Variants in PLCG2 observed in about 807,000 individuals in gnomAD.
The protein encoded by PLCG2 is 1-phosphatidylinositol 4,5-bisphosphate phosphodiesterase gamma-2.
PLCG2 carries 69 observed loss-of-function variants against 175.6 expected under a neutral mutation model. The observed-to-expected ratio is 0.39, with a 90% CI of 0.32 to 0.48. The LOEUF is 0.48. PLCG2 is among the 20% of genes least tolerant of loss of function. The pLI is 0.91. For missense variants in PLCG2, 1,798 were observed against 1,650.9 expected (o/e 1.09, Z -1.54); for synonymous variants, 827 against 624.0 (o/e 1.33, Z -4.85).
intron 2 of PLCG2, among the ~76,000 whole-genome samples, chr16:81,833,762 G>C (rs1905371755): frequency 6.6e-6 from 1 of 152,030 alleles, no homozygotes; most frequent in Non-Finnish European, 1.5e-5. Flanking sequence ...GCCTAGGCTG[G>C]TCTCGGAATT....
rs549192635 is a variant in PLCG2 at position 81,833,373 on chromosome 16, C to A, written c.194-21071C>A. 6.2e-4 allele frequency among the ~76,000 whole-genome samples: 94 copies of A among 152,042 alleles called. No homozygotes were observed. In the Middle Eastern group the frequency reaches 0.014, roughly 22 times the overall value. On this transcript the variant is annotated intron_variant, in intron 2 of 32. Transcript: ENST00000564138. ...CTTTTTCCTGGACTGTGGCTCCGGT[C>A]GGTACACGGGTCCTGAGCCAGTATT... is the stretch of plus-strand genomic sequence containing the variant.
chr16:81,843,035 G>A (rs1905919266), intron 2 of PLCG2, among the ~76,000 whole-genome samples: 1 of 150,854 alleles, frequency 6.6e-6, no homozygotes, highest in Non-Finnish European at 1.5e-5. Context: ...GTGATGCTGG[G>A]AAGGGGGTGG....
chr16:81,860,177 T>A (rs572031585), intron 5 of PLCG2, among the ~76,000 whole-genome samples: 2,676 of 140,216 alleles, frequency 0.019, 40 homozygotes, highest in South Asian at 0.054. Flanking sequence ...TTATTATTTT[T>A]TTTTTTTTTT....
Position 81,946,369 on chromosome 16 carries a change from T to A in PLCG2, c.3570+106T>A, listed in dbSNP as rs144039406. On this transcript the variant is annotated intron_variant, in intron 31 of 32. Transcript: ENST00000564138. Reference sequence around the variant, plus strand: ...CAGATGGACTTAAGCCCATTCAGAATTGTCTAGCCCAAGCATGAGACATCA... The same window carrying A: ...CAGATGGACTTAAGCCCATTCAGAAATGTCTAGCCCAAGCATGAGACATCA... The A allele has an allele frequency of 1.2e-4, 97 of 800,266 alleles. No homozygotes were observed. In the African/African-American group the frequency reaches 1.4e-3, roughly 11 times the overall value. The allele number at this position is 800,266 out of a possible 1,614,324, so 49.6% of individuals were successfully genotyped here.
chr16:81,893,602 T>C (rs1370368393), intron 11 of PLCG2, 107 bp from the exon 12 acceptor site: 5 of 710,428 alleles, frequency 7.0e-6, no homozygotes, highest in Non-Finnish European at 1.0e-5. Flanking sequence ...CTCAGAGCTT[T>C]GGCGGCTCGG....
intron 2 of PLCG2, among the ~76,000 whole-genome samples, chr16:81,848,315 C>G (rs1481175643): frequency 6.6e-6 from 1 of 152,178 alleles, no homozygotes; most frequent in Non-Finnish European, 1.5e-5. Flanking sequence ...TGATAAAGTC[C>G]TGGTTGATGA....
At chr16:81,739,622 T>C (rs12444778) in intron 1 of PLCG2, 125,535 of 152,282 alleles carry the variant, frequency 0.82, 53,389 homozygotes, top group East Asian at 0.95. Flanking sequence ...ATTGTTGCTT[T>C]TGTGGGATGA....
At position 81,959,268 on chromosome 16, in the gene PLCG2, C is replaced by G. The variant is rs570181059; in HGVS notation, c.*1270C>G. On this transcript the variant is annotated 3_prime_UTR_variant, in exon 33 of 33. Coordinates refer to ENST00000564138, the MANE Select transcript of PLCG2 (RefSeq NM_002661.5). ...ATGTTTGATGTGGATGGAACTGGCC[C>G]CTAGAAACCCATCTGACCCTCCTCT... is the stretch of plus-strand genomic sequence containing the variant. 9.5e-4 allele frequency: 213 copies of G among 223,514 alleles called. 1 individual carries two copies. Among genetic ancestry groups the G allele is most frequent in the Middle Eastern group, 8.2e-3 (6 of 728 alleles). The allele number at this position is 223,514 out of a possible 1,614,324, so 13.8% of individuals were successfully genotyped here. A position where few individuals can be genotyped will look rare whatever the true frequency, so the allele number is the denominator to read the frequency against.
At chr16:81,908,144 A>G (rs1257163321) in intron 16 of PLCG2, among the ~76,000 whole-genome samples, 1 of 152,138 alleles carries the variant, frequency 6.6e-6, no homozygotes, top group Non-Finnish European at 1.5e-5. Context: ...CAGACTTCCC[A>G]TAGAACAGAA....
In PLCG2 at chr16:81,747,963, G is replaced by C. The variant is rs147878037; in HGVS notation, c.-144-7907G>C. Among the ~76,000 whole-genome samples, 1,257 of 152,018 alleles carry C rather than the reference G, an allele frequency of 8.3e-3. 15 individuals are homozygous for C. Among genetic ancestry groups the C allele is most frequent in the African/African-American group, 0.028 (1,172 of 41,442 alleles). On this transcript the variant is annotated intron_variant, in intron 1 of 5. Transcript: ENST00000565054. ...GATCTTGGGTCACTGCAACCTCTGC[G>C]TCCCAGGTTCAAGTGATTCTCCTGC...
rs769712189 is a variant in PLCG2, at chr16:81,786,199, TGG to T, written c.193+20_193+21del. The T allele has an allele frequency of 3.1e-6, 5 of 1,608,948 alleles. No homozygotes were observed. The South Asian group carries it at 5.5e-5, about 18-fold the overall frequency. On this transcript the variant is annotated intron_variant, in intron 2 of 32. Transcript: ENST00000564138. ...AGGGCTTCTGTGAGTACTCGCTGGGTGGGGCAGTGTGGCCCGTCCTCTGGGGC... is the reference window on the plus strand; with the variant it reads ...AGGGCTTCTGTGAGTACTCGCTGGGTGGCAGTGTGGCCCGTCCTCTGGGGC...
intron 17 of PLCG2, among the ~76,000 whole-genome samples, chr16:81,909,497 G>A (rs546478989): frequency 6.6e-6 from 1 of 152,304 alleles, no homozygotes; most frequent in Admixed American, 6.5e-5. Flanking sequence ...AGTCACTGCA[G>A]CCTCAAACTC....
intron 19 of PLCG2, among the ~76,000 whole-genome samples, 163 bp downstream of exon 19, chr16:81,912,879 G>A (rs1396775129): frequency 6.6e-6 from 1 of 152,262 alleles, no homozygotes; most frequent in African/African-American, 2.4e-5. Context: ...GCGAGAATGT[G>A]CGCTCCTGCG....
chr16:81,782,227 T>TTTCTTG (rs1200493603), intron 1 of PLCG2, among the ~76,000 whole-genome samples: 1 of 63,588 alleles, frequency 1.6e-5, no homozygotes, highest in Non-Finnish European at 3.0e-5. Flanking sequence ...ATGAATGAGC[T>TTTCTTG]TATGAGATAC....
chr16:81,771,713 C>G (rs1186985024), intron 2 of PLCG2, among the ~76,000 whole-genome samples: 1 of 77,808 alleles, frequency 1.3e-5, no homozygotes, highest in Non-Finnish European at 2.4e-5. Flanking sequence ...AACAAAAAAA[C>G]TAAGTCCTAA....
At chr16:81,814,004 C>T (rs1904430787) in intron 2 of PLCG2, among the ~76,000 whole-genome samples, 1 of 152,126 alleles carries the variant, frequency 6.6e-6, no homozygotes, top group South Asian at 2.1e-4. Context: ...TATTCAGGGG[C>T]ATCTCTCTGA....
chr16:81,798,158 T>C (rs1043757114), intron 2 of PLCG2, among the ~76,000 whole-genome samples: 1 of 152,122 alleles, frequency 6.6e-6, no homozygotes, highest in African/African-American at 2.4e-5. Flanking sequence ...ATCTATAAGA[T>C]GGGGTAATAG....
At chr16:81,807,526 T>C in intron 2 of PLCG2, among the ~76,000 whole-genome samples, 1 of 152,318 alleles carries the variant, frequency 6.6e-6, no homozygotes, top group South Asian at 2.1e-4. Context: ...AGCTGACATT[T>C]ATGTAGTATA....
Position 81,958,096 on chromosome 16 carries a change from G to T in PLCG2, c.*98G>T. On this transcript the variant is annotated 3_prime_UTR_variant, in exon 33 of 33. Coordinates refer to ENST00000564138, the MANE Select transcript of PLCG2 (RefSeq NM_002661.5). ...TCACACTCTGGGAAGACGCTAATCT[G>T]TGACATCTTTTCTTCAAGCCTGCCA... 1 of 841,428 alleles carries T rather than the reference G, an allele frequency of 1.2e-6. No individual in the cohort carries two copies. The highest frequency in any genetic ancestry group is 1.4e-5 in the South Asian group (1 of 70,146). 52.1% of individuals were successfully genotyped at this position (841,428 alleles called of 1,614,324 possible). A position where few individuals can be genotyped will look rare whatever the true frequency, so the allele number is the denominator to read the frequency against.
Sources: gnomAD v4.1 joint callset for allele counts (sites outside exome capture counted in the v4.1 genomes callset) on GRCh38, gnomAD v4.1.1 for gene constraint, MANE v1.5 for transcripts, NCBI Gene and HGNC (gene_info 2026-07-23, HGNC 2026-07-21) for gene names.